The following ASIC2 variants were observed in gnomAD, a reference collection of about 807,000 sequenced individuals.
The protein encoded by ASIC2 is acid sensing ion channel subunit 2, also known as acid-sensing ion channel 2.
A neutral mutation model predicts 57.3 loss-of-function variants in ASIC2; 25 were observed. That is an observed-to-expected ratio of 0.44 (90% confidence interval 0.32 to 0.61). The LOEUF (loss-of-function observed/expected upper bound fraction) is 0.61, where lower values mean the gene tolerates loss of function less well. Ranked by LOEUF, ASIC2 falls within the 20% of genes least tolerant of loss-of-function variation. The probability of loss-of-function intolerance (pLI) is 0.06; values close to 1 mark genes in which losing one functional copy is unlikely to be tolerated. For synonymous variants in ASIC2, 319 were observed against 307.5 expected (o/e 1.04, Z -0.39); for missense variants, 641 against 738.1 (o/e 0.87, Z 1.52).
At chr17:33,092,181 C>A (rs949681411) in intron 2 of ASIC2, among the ~76,000 whole-genome samples, 5 of 152,192 alleles carry the variant, frequency 3.3e-5, no homozygotes, top group African/African-American at 1.2e-4. Context: ...GACCATAGTT[C>A]CAGATCCTCT....
chr17:33,733,094 T>A (rs180767922), intron 1 of ASIC2, among the ~76,000 whole-genome samples: 38 of 152,022 alleles, frequency 2.5e-4, no homozygotes, highest in South Asian at 1.0e-3. Context: ...TTTATTTTTT[T>A]AAAAAAACTT....
chr17:34,068,311 G>C (rs1909249033), intron 1 of ASIC2, among the ~76,000 whole-genome samples: 1 of 152,126 alleles, frequency 6.6e-6, no homozygotes, highest in African/African-American at 2.4e-5. Context: ...CTCGACTTAG[G>C]GTTTTTCTGG....
chr17:33,219,298 G>A (rs947118414), intron 1 of ASIC2, among the ~76,000 whole-genome samples: 2 of 152,162 alleles, frequency 1.3e-5, no homozygotes, highest in Admixed American at 6.6e-5. Context: ...AGCCCCCCTT[G>A]ATGCCAAGCA....
chr17:33,846,065 A>G (rs1261697677), intron 1 of ASIC2, among the ~76,000 whole-genome samples: 1 of 152,222 alleles, frequency 6.6e-6, no homozygotes, highest in Non-Finnish European at 1.5e-5. Context: ...TATAAAGGCC[A>G]GAAATGTCCA....
chr17:33,223,166 T>C (rs183053762), intron 1 of ASIC2, among the ~76,000 whole-genome samples: 27 of 152,208 alleles, frequency 1.8e-4, no homozygotes, highest in African/African-American at 4.1e-4. Context: ...TTTTCTTTTT[T>C]TTTCTTTCTT....
At chr17:34,131,957 C>T (rs749075898) in intron 1 of ASIC2, among the ~76,000 whole-genome samples, 9 of 152,076 alleles carry the variant, frequency 5.9e-5, no homozygotes, top group Non-Finnish European at 7.4e-5. Context: ...GGCAGTGGGA[C>T]GGGGACATTT....
At chr17:33,917,015 T>C (rs1915598838) in intron 1 of ASIC2, among the ~76,000 whole-genome samples, 1 of 152,136 alleles carries the variant, frequency 6.6e-6, no homozygotes, top group Non-Finnish European at 1.5e-5. Context: ...CTCTACCATA[T>C]TGAACAAGCC....
chr17:33,956,645 A>T (rs1319130837), intron 1 of ASIC2, among the ~76,000 whole-genome samples: 2 of 152,152 alleles, frequency 1.3e-5, no homozygotes, highest in African/African-American at 4.8e-5. Flanking sequence ...CTGGTCCCCC[A>T]CTGTCAGAAC....
At chr17:34,139,531 G>A (rs1039703120) in intron 1 of ASIC2, among the ~76,000 whole-genome samples, 25 of 152,066 alleles carry the variant, frequency 1.6e-4, no homozygotes, top group African/African-American at 3.9e-4. Flanking sequence ...CGATGAATGC[G>A]TAAATAAAAT....
At chr17:33,642,432 C>T (rs542792874) in intron 1 of ASIC2, among the ~76,000 whole-genome samples, 1 of 152,268 alleles carries the variant, frequency 6.6e-6, no homozygotes, top group East Asian at 1.9e-4. Flanking sequence ...GGAGAAAGTT[C>T]CAAAGTCAAT....
intron 1 of ASIC2, among the ~76,000 whole-genome samples, chr17:33,817,695 T>C (rs1376348777): frequency 6.6e-6 from 1 of 152,216 alleles, no homozygotes; most frequent in African/African-American, 2.4e-5. Flanking sequence ...AGTGGCTTAA[T>C]ACAACCATAT....
At chr17:33,453,545 A>G (rs924551053) in intron 1 of ASIC2, among the ~76,000 whole-genome samples, 1 of 152,178 alleles carries the variant, frequency 6.6e-6, no homozygotes, top group Admixed American at 6.5e-5. Context: ...CTCAACTCCC[A>G]TGAAGGTTTT....
At chr17:33,537,173 T>C (rs996095403) in intron 1 of ASIC2, among the ~76,000 whole-genome samples, 6 of 152,184 alleles carry the variant, frequency 3.9e-5, no homozygotes, top group Non-Finnish European at 8.8e-5. Context: ...CCTCTGCCAC[T>C]CCTCTCTCAC....
intron 1 of ASIC2, among the ~76,000 whole-genome samples, chr17:33,712,684 C>T (rs1034175569): frequency 3.3e-5 from 4 of 119,406 alleles, no homozygotes; most frequent in Admixed American, 1.1e-4. Context: ...CTTGCTCTGT[C>T]GCCCAGGCTG....
At chr17:33,804,295 G>C (rs1282292072) in intron 1 of ASIC2, among the ~76,000 whole-genome samples, 1 of 152,202 alleles carries the variant, frequency 6.6e-6, no homozygotes. Context: ...GGGGAAGGAA[G>C]CTCAGTTGCT....
intron 1 of ASIC2, among the ~76,000 whole-genome samples, chr17:33,227,348 G>C (rs541189770): frequency 2.6e-5 from 4 of 152,136 alleles, no homozygotes; most frequent in African/African-American, 9.7e-5. Context: ...CTGGCATATG[G>C]AGACATTCCC....
chr17:33,062,545 G>A lies in ASIC2; in HGVS notation c.987+26318C>T, dbSNP rs190192889. Among the ~76,000 whole-genome samples the A allele has an allele frequency of 3.1e-3, 465 of 152,286 alleles. 1 individual carries two copies. The highest frequency in any genetic ancestry group is 9.3e-3 in the African/African-American group (386 of 41,552). On this transcript the variant is annotated intron_variant, in intron 3 of 9. Coordinates refer to ENST00000225823, the MANE Select transcript of ASIC2 (RefSeq NM_183377.2). Reference sequence around the variant, plus strand: ...TGAGAGACAGTTTGTTATAATTTCTGTTCTTTTACACTTGCTGAGGAGTGC... The same window carrying A: ...TGAGAGACAGTTTGTTATAATTTCTATTCTTTTACACTTGCTGAGGAGTGC...
At position 34,156,761 on chromosome 17, in the gene ASIC2, G is replaced by C; in HGVS notation, c.-229C>G. ...GCTCTTGATTTTTTCCAGGCGATAAGGAGGGCTGGTTTTATTTAGGGAGAC... is the reference window on the plus strand; with the variant it reads ...GCTCTTGATTTTTTCCAGGCGATAACGAGGGCTGGTTTTATTTAGGGAGAC... On this transcript the variant is annotated 5_prime_UTR_variant, in exon 1 of 10. Coordinates refer to the ASIC2 transcript ENST00000359872. The surrounding 1 kb of genome is among the most constrained non-coding windows in gnomAD (Gnocchi z 4.4). The C allele has an allele frequency of 1.9e-6, 1 of 536,684 alleles. No homozygotes were observed. The highest frequency in any genetic ancestry group is 2.7e-5 in the South Asian group (1 of 36,900). The allele number at this position is 536,684 out of a possible 1,614,324, so 33.2% of individuals were successfully genotyped here.
At position 33,782,662 on chromosome 17, in the gene ASIC2, G is replaced by A. The variant is rs1290009547; in HGVS notation, c.555+373316C>T. On this transcript the variant is annotated intron_variant, in intron 1 of 9. Coordinates refer to the ASIC2 transcript ENST00000359872. ...GAGGGTTGCCTGAGCCTGGGAAGTC[G>A]AGGCTGCACTGAGCTGAGATCATAC... Among the ~76,000 whole-genome samples the A allele has an allele frequency of 7.9e-5, 12 of 152,110 alleles. 1 individual carries two copies. Among genetic ancestry groups the A allele is most frequent in the Admixed American group, 7.9e-4 (12 of 15,268 alleles).
Sources: gnomAD v4.1 joint callset for allele counts (sites outside exome capture counted in the v4.1 genomes callset) on GRCh38, gnomAD v4.1.1 for gene constraint, Gnocchi (gnomAD v3.1) non-coding constraint, MANE v1.5 for transcripts, NCBI Gene and HGNC (gene_info 2026-07-23, HGNC 2026-07-21) for gene names.